The following AXIN1 variants were observed in gnomAD, a reference collection of about 807,000 sequenced individuals.
AXIN1 encodes axin-1.
Under a neutral mutation model 76.4 loss-of-function variants are expected in AXIN1, and 30 were observed. That is an observed-to-expected ratio of 0.39 (90% CI 0.29 to 0.53). The LOEUF (loss-of-function observed/expected upper bound fraction) is 0.53, where lower values mean the gene tolerates loss of function less well. AXIN1 is among the 20% of genes least tolerant of loss of function. The pLI, the probability that AXIN1 is intolerant of heterozygous loss-of-function variation, is 0.66. For missense variants in AXIN1, 1,140 were observed against 1,198.8 expected (o/e 0.95, Z 0.72); for synonymous variants, 545 against 501.4 (o/e 1.09, Z -1.16).
Position 287,865 on chromosome 16 carries a change from G to C in AXIN1, c.*257C>G, listed in dbSNP as rs977355613. ...CCTGAAGCTGGCAGCAGGGACCTCG[G>C]CTGCCTCACTTGGGCTGGGCCCTCC... On this transcript the variant is annotated 3_prime_UTR_variant, in exon 11 of 11. Coordinates refer to ENST00000262320, the MANE Select transcript of AXIN1 (RefSeq NM_003502.4). The C allele has an allele frequency of 1.0e-5, 6 of 579,984 alleles. No individual in the cohort carries two copies. The highest frequency in any genetic ancestry group is 6.1e-6 in the Non-Finnish European group (2 of 325,976). The allele number at this position is 579,984 out of a possible 1,614,324, so 35.9% of individuals were successfully genotyped here. A position where few individuals can be genotyped will look rare whatever the true frequency, so the allele number is the denominator to read the frequency against.
At chr16:291,921 G>C (rs989877187) in intron 8 of AXIN1, 2 of 159,368 alleles carry the variant, frequency 1.3e-5, no homozygotes, top group Non-Finnish European at 2.8e-5. Context: ...CACATCCCCT[G>C]GACGGACAAA....
In AXIN1 at chr16:296,964, CA is replaced by C. The variant is rs1478993751; in HGVS notation, c.1955+91del. The C allele has an allele frequency of 3.4e-6, 5 of 1,468,714 alleles. No individual in the cohort carries two copies. In the East Asian group the frequency reaches 1.1e-4, roughly 33 times the overall value. 91.0% of individuals were successfully genotyped at this position (1,468,714 alleles called of 1,614,324 possible). ...GTGAGGCGTCACAGGCGACACTCGC[CA>C]CACACACTGAAGCTGCACACACTGA... On this transcript the variant is annotated intron_variant, in intron 7 of 10. Coordinates refer to ENST00000262320, the MANE Select transcript of AXIN1 (RefSeq NM_003502.4).
rs145800461 is a variant in AXIN1, at chr16:301,560, G to T, written c.1254+2744C>A. Among the ~76,000 whole-genome samples, 1,175 of 152,330 alleles carry T rather than the reference G, an allele frequency of 7.7e-3. 43 individuals are homozygous for T. Among genetic ancestry groups the T allele is most frequent in the Admixed American group, 0.069 (1,050 of 15,294 alleles). On this transcript the variant is annotated intron_variant, in intron 5 of 10. Transcript: ENST00000262320. ...AATCCCAGCACTTCGGGAAGCTGAGGTAGGAGGATCACTTGAGGCCAGGAG... is the reference window on the plus strand; with the variant it reads ...AATCCCAGCACTTCGGGAAGCTGAGTTAGGAGGATCACTTGAGGCCAGGAG...
At chr16:299,191 G>T (rs932463434) in intron 5 of AXIN1, 1 of 985,286 alleles carries the variant, frequency 1.0e-6, no homozygotes, top group Non-Finnish European at 1.2e-6. Context: ...AAGTTAACAG[G>T]TGCTGAAGCT....
chr16:318,563 G>A (rs936570836), intron 2 of AXIN1, among the ~76,000 whole-genome samples: 1 of 152,152 alleles, frequency 6.6e-6, no homozygotes, highest in Admixed American at 6.5e-5. Flanking sequence ...GACCAAGAAC[G>A]TTCTGGTCAA....
At chr16:329,256 G>A (rs1183617430) in intron 2 of AXIN1, among the ~76,000 whole-genome samples, 4 of 125,358 alleles carry the variant, frequency 3.2e-5, no homozygotes, top group Non-Finnish European at 4.8e-5. Context: ...CAGCCTGGGC[G>A]ACAGAGCGAG....
Position 293,123 on chromosome 16 carries a change from C to T in AXIN1, c.2186+365G>A. On this transcript the variant is annotated intron_variant, in intron 8 of 10. Transcript: ENST00000262320. The surrounding 1 kb of genome is among the most constrained non-coding windows in gnomAD (Gnocchi z 4.6). ...GGCAGCCGCCATGCCTCCAGGACCT[C>T]TGCCCTAAAGCCCAGGCTGCCCAGC... The T allele has an allele frequency of 2.8e-6, 1 of 352,670 alleles. No individual in the cohort carries two copies. 21.8% of individuals were successfully genotyped at this position (352,670 alleles called of 1,614,324 possible). A position where few individuals can be genotyped will look rare whatever the true frequency, so the allele number is the denominator to read the frequency against.
intron 6 of AXIN1, 110 bp downstream of exon 6, chr16:297,612 G>A (rs1470557561): frequency 1.1e-5 from 16 of 1,401,684 alleles, no homozygotes; most frequent in Middle Eastern, 2.6e-4. Context: ...GGGGCCTCCT[G>A]CCTGTTGCTG....
intron 5 of AXIN1, among the ~76,000 whole-genome samples, chr16:303,339 C>T (rs1441471321): frequency 6.6e-6 from 1 of 151,704 alleles, no homozygotes; most frequent in African/African-American, 2.4e-5. Context: ...ATTCAATCTG[C>T]GAGGCGGGAA....
At chr16:290,612 C>T (rs1440267558) in intron 9 of AXIN1, 8 of 175,204 alleles carry the variant, frequency 4.6e-5, no homozygotes, top group Non-Finnish European at 9.9e-5. Flanking sequence ...CCCCCTCCTC[C>T]TGCCACCTTG....
intron 2 of AXIN1, among the ~76,000 whole-genome samples, chr16:320,743 A>ATTTTTTTTTTTTT (rs71299927): frequency 1.4e-4 from 15 of 107,628 alleles, no homozygotes; most frequent in Non-Finnish European, 1.7e-4. Flanking sequence ...ATATATATAT[A>ATTTTTTTTTTTTT]TTTTTTTTTT....
intron 4 of AXIN1, among the ~76,000 whole-genome samples, chr16:307,702 C>T (rs1187814851): frequency 6.6e-6 from 1 of 152,234 alleles, no homozygotes; most frequent in African/African-American, 2.4e-5. Flanking sequence ...GTCTAAGCTA[C>T]TCCCCTCCTG....
In AXIN1 at chr16:289,603, T is replaced by C. The variant is rs1327242506; in HGVS notation, c.2299A>G (p.Arg767Gly). The C allele has an allele frequency of 6.2e-7, 1 of 1,612,724 alleles. No homozygotes were observed. Among genetic ancestry groups the C allele is most frequent in the Non-Finnish European group, 8.5e-7 (1 of 1,179,886 alleles). The change falls in exon 10 of 11, where the codon AGA (arginine) becomes GGA (glycine). Residue 767 changes from arginine to glycine, a missense_variant. Transcript: ENST00000262320. ...CCGCCGCCCACCTTCCTCTGCGATC[T>C]TGTCCTGGGGAAAGAGATGCAGCGG... is the stretch of plus-strand genomic sequence containing the variant. ...SDMELSETET[R>G]SQRKVGGGSA... is the part of the protein sequence containing the mutation.
intron 4 of AXIN1, among the ~76,000 whole-genome samples, chr16:308,962 A>G (rs745398274): frequency 6.6e-6 from 1 of 152,190 alleles, no homozygotes. Context: ...CCTGACCAAG[A>G]CTGTGTCAGT....
chr16:326,087 G>A (rs2053573409), intron 2 of AXIN1, among the ~76,000 whole-genome samples: 1 of 152,058 alleles, frequency 6.6e-6, no homozygotes. Flanking sequence ...AGGCGTGGTG[G>A]CTCATGCCTG....
chr16:320,712 TGC>T (rs1175513184), intron 2 of AXIN1, among the ~76,000 whole-genome samples: 2 of 141,460 alleles, frequency 1.4e-5, no homozygotes, highest in African/African-American at 2.8e-5. Context: ...CATACGTATA[TGC>T]GTGTGTGTGT....
chr16:289,962 A>C (rs1434844734), intron 9 of AXIN1: 2 of 409,518 alleles, frequency 4.9e-6, no homozygotes, highest in Non-Finnish European at 9.2e-6. Flanking sequence ...CCAAACCTTA[A>C]AAACATCTGA....
At chr16:320,814 A>G (rs987228206) in intron 2 of AXIN1, among the ~76,000 whole-genome samples, 4 of 48,924 alleles carry the variant, frequency 8.2e-5, no homozygotes, top group Non-Finnish European at 1.6e-4. Flanking sequence ...ATCTCGGCTC[A>G]CTACAACCTC....
rs531311871 is a variant in AXIN1 at position 320,795 on chromosome 16, A to G, written c.879-6112T>C. 5.1e-3 allele frequency among the ~76,000 whole-genome samples: 361 copies of G among 70,220 alleles called. 3 individuals are homozygous for G. Among genetic ancestry groups the G allele is most frequent in the Admixed American group, 0.034 (254 of 7,554 alleles). 46.1% of individuals were successfully genotyped at this position (70,220 alleles called of 152,430 possible). On this transcript the variant is annotated intron_variant, in intron 2 of 10. Coordinates refer to ENST00000262320, the MANE Select transcript of AXIN1 (RefSeq NM_003502.4). The stretch of plus-strand genomic sequence containing the variant: ...CGCTCTTTCGCCCAGACTGGAGTGC[A>G]GTGGCGCGATCTCGGCTCACTACAA...
Sources: allele counts gnomAD v4.1 joint callset (sites outside exome capture counted in the v4.1 genomes callset), GRCh38; gene constraint gnomAD v4.1.1; non-coding constraint Gnocchi (gnomAD v3.1); transcripts MANE v1.5; gene names NCBI Gene and HGNC (gene_info 2026-07-23, HGNC 2026-07-21).